IQSEC3: variants seen among roughly 807,000 people sequenced by gnomAD.
IQSEC3 encodes IQ motif and SEC7 domain-containing protein 3.
A neutral mutation model predicts 105.4 loss-of-function variants in IQSEC3; 50 were observed. The ratio of observed to expected loss-of-function variants is 0.47; its 90% CI spans 0.38 to 0.60. The LOEUF is 0.60. IQSEC3 is among the 20% of genes least tolerant of loss of function. The pLI is 0.00. For missense variants in IQSEC3, 1,415 were observed against 1,630.0 expected, an observed-to-expected ratio of 0.87 and a Z score of 2.27; for synonymous variants, 708 against 746.0, an observed-to-expected ratio of 0.95 and a Z score of 0.83.
intron 5 of IQSEC3, among the ~76,000 whole-genome samples, chr12:146,590 G>A (rs1555091123): frequency 6.6e-6 from 1 of 152,164 alleles, no homozygotes; most frequent in African/African-American, 2.4e-5. Context: ...AAACTGCAGT[G>A]AGTTGTGACC....
At chr12:87,220 A>G (rs1292511615) in intron 1 of IQSEC3, among the ~76,000 whole-genome samples, 8 of 152,102 alleles carry the variant, frequency 5.3e-5, no homozygotes, top group Admixed American at 5.2e-4. Context: ...GATGGTCATC[A>G]AGCGGCTGTC....
At chr12:69,895 G>T (rs1364598426) in intron 1 of IQSEC3, among the ~76,000 whole-genome samples, 2 of 152,284 alleles carry the variant, frequency 1.3e-5, no homozygotes, top group African/African-American at 2.4e-5. Context: ...AGGACAAGAT[G>T]GAGCCAGCAG....
intron 8 of IQSEC3, among the ~76,000 whole-genome samples, chr12:162,942 G>A (rs993169883): frequency 6.6e-6 from 1 of 152,094 alleles, no homozygotes; most frequent in Non-Finnish European, 1.5e-5. Flanking sequence ...CAGCCTGCAA[G>A]CTCTTCTCAA....
intron 13 of IQSEC3, among the ~76,000 whole-genome samples, 155 bp from the exon 14 acceptor site, chr12:174,444 G>A (rs1353367199): frequency 6.6e-6 from 1 of 152,092 alleles, no homozygotes; most frequent in Non-Finnish European, 1.5e-5. Context: ...AGCCAGGGTC[G>A]CAACCCAGTC....
intron 1 of IQSEC3, among the ~76,000 whole-genome samples, chr12:82,178 G>T (rs1380526120): frequency 6.6e-6 from 1 of 152,176 alleles, no homozygotes; most frequent in Non-Finnish European, 1.5e-5. Context: ...GGTGATGTTA[G>T]AAAATTGTTA....
intron 3 of IQSEC3, among the ~76,000 whole-genome samples, chr12:136,049 C>T (rs952564267): frequency 4.6e-5 from 7 of 152,216 alleles, no homozygotes; most frequent in African/African-American, 1.4e-4. Context: ...TGGTTTAGAG[C>T]ACCTTGAAGA....
rs957129683 is a variant in IQSEC3, at chr12:134,313, G to A, written c.904-3954G>A. On this transcript the variant is annotated intron_variant, in intron 3 of 13. Transcript: ENST00000538872. ...TGGGACTTGATGTCTAGTAGAGGATGTGATGGGACAGATGCAAGAATTTAA... is the reference window on the plus strand; with the variant it reads ...TGGGACTTGATGTCTAGTAGAGGATATGATGGGACAGATGCAAGAATTTAA... 3.9e-5 allele frequency among the ~76,000 whole-genome samples: 6 copies of A among 152,248 alleles called. No homozygotes were observed. In the South Asian group the frequency reaches 1.2e-3, roughly 31 times the overall value.
chr12:98,732 C>G (rs1337252268), intron 1 of IQSEC3, among the ~76,000 whole-genome samples: 1 of 152,226 alleles, frequency 6.6e-6, no homozygotes, highest in African/African-American at 2.4e-5. Flanking sequence ...CAATTCTGTG[C>G]ATCCTAGACA....
At chr12:80,870 C>T (rs1017781432) in intron 1 of IQSEC3, among the ~76,000 whole-genome samples, 6 of 152,202 alleles carry the variant, frequency 3.9e-5, no homozygotes, top group African/African-American at 1.2e-4. Context: ...TGTCTGGGGA[C>T]GGGCATTCCT....
intron 2 of IQSEC3, among the ~76,000 whole-genome samples, chr12:122,206 G>A (rs2136961881): frequency 6.6e-6 from 1 of 152,348 alleles, no homozygotes; most frequent in Admixed American, 6.5e-5. Context: ...ACCAGCCAGA[G>A]AGCCTGGAAC....
chr12:112,252 T>C (rs1686474887), intron 2 of IQSEC3, among the ~76,000 whole-genome samples: 3 of 117,776 alleles, frequency 2.5e-5, no homozygotes, highest in African/African-American at 9.8e-5. Flanking sequence ...CATCTTAGAC[T>C]AAACTTCTTT....
chr12:175,397 C>CGGGCCTT lies in IQSEC3; in HGVS notation c.*369_*375dup, dbSNP rs1392270724. 5.5e-5 allele frequency: 12 copies of CGGGCCTT among 220,108 alleles called. No homozygotes were observed. The highest frequency in any genetic ancestry group is 5.4e-4 in the Admixed American group (10 of 18,560). The allele number at this position is 220,108 out of a possible 1,614,324, so 13.6% of individuals were successfully genotyped here. ...TTGAGTCTGTTAGTGCCCGGGGCCT[C>CGGGCCTT]GGGCCTTGGGCAGCAGCATGAGGCT... On this transcript the variant is annotated 3_prime_UTR_variant, in exon 14 of 14. Transcript: ENST00000538872.
chr12:118,764 G>C (rs781379565), intron 2 of IQSEC3, among the ~76,000 whole-genome samples: 1 of 152,174 alleles, frequency 6.6e-6, no homozygotes, highest in Non-Finnish European at 1.5e-5. Flanking sequence ...GCCGGGCCTC[G>C]GTCAGCACCT....
intron 1 of IQSEC3, among the ~76,000 whole-genome samples, chr12:96,059 G>T (rs931097939): frequency 1.3e-5 from 2 of 152,198 alleles, no homozygotes; most frequent in African/African-American, 4.8e-5. Context: ...ACCCAAGGTG[G>T]TTGGGCTGCA....
chr12:138,257 G>C lies in IQSEC3; in HGVS notation c.904-10G>C. ...TGAGCCCTTCCTCCTCTCTGTCCTC[G>C]TCCTTGCAGATTGAAATGCTAGAAC... On this transcript the variant is annotated splice_polypyrimidine_tract_variant and intron_variant, in intron 3 of 13. Coordinates refer to ENST00000538872, the MANE Select transcript of IQSEC3 (RefSeq NM_001170738.2). This position sits in a 1 kb window ranked among gnomAD's most constrained non-coding sequence, Gnocchi z 7.1. 5 of 1,604,682 alleles carry C rather than the reference G, an allele frequency of 3.1e-6. No individual in the cohort carries two copies. Among genetic ancestry groups the C allele is most frequent in the Non-Finnish European group, 3.4e-6 (4 of 1,173,836 alleles).
At chr12:123,023 G>C (rs1048819355) in intron 2 of IQSEC3, among the ~76,000 whole-genome samples, 2 of 152,200 alleles carry the variant, frequency 1.3e-5, no homozygotes, top group Admixed American at 1.3e-4. Flanking sequence ...ACGTGCTCCA[G>C]GGGAAGAGAT....
intron 2 of IQSEC3, among the ~76,000 whole-genome samples, chr12:109,240 G>T (rs1433819567): frequency 3.9e-5 from 6 of 152,216 alleles, no homozygotes; most frequent in Admixed American, 3.9e-4. Flanking sequence ...TGGCAACACA[G>T]GGCTGGCACT....
chr12:149,893 C>T (rs534284756), intron 5 of IQSEC3, among the ~76,000 whole-genome samples: 2 of 152,090 alleles, frequency 1.3e-5, no homozygotes, highest in African/African-American at 4.8e-5. Flanking sequence ...GCAGACAGGG[C>T]GTCTTTGCTT....
At chr12:71,444 G>C (rs1268157333) in intron 1 of IQSEC3, among the ~76,000 whole-genome samples, 7 of 152,388 alleles carry the variant, frequency 4.6e-5, no homozygotes, top group Admixed American at 2.0e-4. Context: ...GTATATTGCA[G>C]CTGCCTAAAG....
Sources: gnomAD v4.1 joint callset for allele counts (sites outside exome capture counted in the v4.1 genomes callset) on GRCh38, gnomAD v4.1.1 for gene constraint, Gnocchi (gnomAD v3.1) non-coding constraint, MANE v1.5 for transcripts, NCBI Gene and HGNC (gene_info 2026-07-23, HGNC 2026-07-21) for gene names.